Variants in UNC13C observed in about 807,000 individuals in gnomAD.
UNC13C encodes unc-13 homolog C.
In UNC13C, 174 loss-of-function variants were observed where a neutral mutation model predicts 245.4. The observed-to-expected ratio is 0.71, with a 90% CI of 0.63 to 0.80. The LOEUF is 0.80. UNC13C is among the 30% of genes least tolerant of loss of function. UNC13C has a pLI of 0.00. For synonymous variants in UNC13C, 992 were observed against 895.1 expected, an observed-to-expected ratio of 1.11 and a Z score of -1.93; for missense variants, 2,829 against 2,602.9, an observed-to-expected ratio of 1.09 and a Z score of -1.89.
intron 19 of UNC13C, among the ~76,000 whole-genome samples, chr15:54,456,718 A>G (rs1166588941): frequency 6.6e-6 from 1 of 151,868 alleles, no homozygotes; most frequent in Non-Finnish European, 1.5e-5. Flanking sequence ...TAATTTGTGT[A>G]CATTGATTTT....
At chr15:54,388,729 G>A (rs2140910333) in intron 17 of UNC13C, among the ~76,000 whole-genome samples, 2 of 152,004 alleles carry the variant, frequency 1.3e-5, no homozygotes, top group Non-Finnish European at 2.9e-5. Context: ...TTGTTTTTTA[G>A]ACTTTTTCTC....
intron 17 of UNC13C, among the ~76,000 whole-genome samples, chr15:54,380,873 T>G (rs1342383553): frequency 6.6e-6 from 1 of 152,172 alleles, no homozygotes; most frequent in Admixed American, 6.6e-5. Context: ...CCTTATCAAA[T>G]GTATAGATGG....
chr15:54,220,127 C>T (rs2035176212), intron 4 of UNC13C, among the ~76,000 whole-genome samples: 1 of 150,788 alleles, frequency 6.6e-6, no homozygotes, highest in East Asian at 1.9e-4. Context: ...AATCATGCTG[C>T]TATAAAGACA....
the UNC13C span, among the ~76,000 whole-genome samples, chr15:53,937,934 G>A: frequency 6.6e-6 from 1 of 152,154 alleles, no homozygotes; most frequent in Non-Finnish European, 1.5e-5. Context: ...AAAACACAAT[G>A]AAGTACACAG....
intron 2 of UNC13C, among the ~76,000 whole-genome samples, chr15:54,142,115 G>A (rs2032050466): frequency 6.6e-6 from 1 of 152,140 alleles, no homozygotes; most frequent in African/African-American, 2.4e-5. Context: ...GAGTTTCAGA[G>A]CAATAGTACT....
the UNC13C span, among the ~76,000 whole-genome samples, chr15:53,934,918 C>T: frequency 2.6e-5 from 4 of 152,130 alleles, no homozygotes; most frequent in African/African-American, 9.7e-5. Context: ...GGTCCCACAT[C>T]CTAATATCAT....
At chr15:53,852,984 C>A in the UNC13C span, among the ~76,000 whole-genome samples, 3 of 151,810 alleles carry the variant, frequency 2.0e-5, no homozygotes, top group African/African-American at 7.3e-5. Flanking sequence ...TCCTCCCCCA[C>A]CCACTTAAGG....
At chr15:54,029,489 T>G (rs1896265134) in intron 2 of UNC13C, among the ~76,000 whole-genome samples, 3 of 152,242 alleles carry the variant, frequency 2.0e-5, no homozygotes, top group African/African-American at 4.8e-5. Context: ...TATCATTCAA[T>G]TGTTTTTTGA....
At position 54,508,459 on chromosome 15, in the gene UNC13C, A is replaced by C. The variant is rs142628188; in HGVS notation, c.5379+1265A>C. Among the ~76,000 whole-genome samples the C allele has an allele frequency of 4.7e-3, 717 of 152,230 alleles. 11 individuals carry two copies. The highest frequency in any genetic ancestry group is 0.036 in the Admixed American group (547 of 15,292). On this transcript the variant is annotated intron_variant, in intron 23 of 32. Transcript: ENST00000260323. ...ACTGAGATAAAAATCATAACCCAGT[A>C]TTTATTATATTATTCTATGTACTCT... is the stretch of plus-strand genomic sequence containing the variant.
chr15:54,020,962 C>A (rs1895877295), intron 2 of UNC13C, among the ~76,000 whole-genome samples: 1 of 151,880 alleles, frequency 6.6e-6, no homozygotes, highest in Admixed American at 6.6e-5. Flanking sequence ...ATAACAATAA[C>A]CTTTTGTCTA....
chr15:53,966,161 G>T, the UNC13C span, among the ~76,000 whole-genome samples: 1 of 152,234 alleles, frequency 6.6e-6, no homozygotes, highest in East Asian at 1.9e-4. Flanking sequence ...TATTCATGTG[G>T]CATAGTTGAC....
chr15:54,606,724 G>C (rs1473123189), intron 30 of UNC13C, among the ~76,000 whole-genome samples: 4 of 152,212 alleles, frequency 2.6e-5, no homozygotes, highest in African/African-American at 9.7e-5. Context: ...AAGTCATGCT[G>C]AGTTAGGAGC....
At chr15:54,417,034 G>C in intron 19 of UNC13C, 1 of 449,200 alleles carries the variant, frequency 2.2e-6, no homozygotes, top group Non-Finnish European at 4.5e-6. Context: ...ATCTGTAGTA[G>C]CTCCCAGGAA....
At chr15:54,610,270 C>G (rs946794272) in intron 30 of UNC13C, among the ~76,000 whole-genome samples, 1 of 152,064 alleles carries the variant, frequency 6.6e-6, no homozygotes, top group African/African-American at 2.4e-5. Flanking sequence ...GAGTCTTGCT[C>G]TGTCGCCCAG....
At chr15:54,432,823 A>AAAAG (rs2140977395) in intron 19 of UNC13C, among the ~76,000 whole-genome samples, 1 of 152,232 alleles carries the variant, frequency 6.6e-6, no homozygotes, top group South Asian at 2.1e-4. Context: ...TGGTTTTTTG[A>AAAAG]AAAGATTAAC....
At chr15:54,303,472 T>C (rs1405113878) in intron 13 of UNC13C, among the ~76,000 whole-genome samples, 1 of 152,174 alleles carries the variant, frequency 6.6e-6, no homozygotes, top group African/African-American at 2.4e-5. Context: ...CCATCTTTTC[T>C]GTGTTCTAAG....
At position 54,389,468 on chromosome 15, in the gene UNC13C, A is replaced by G. The variant is rs116960710; in HGVS notation, c.4714-3580A>G. Among the ~76,000 whole-genome samples, 1,019 of 152,360 alleles carry G rather than the reference A, an allele frequency of 6.7e-3. 10 individuals are homozygous for G. Among genetic ancestry groups the G allele is most frequent in the Non-Finnish European group, 7.6e-3 (519 of 68,038 alleles). On this transcript the variant is annotated intron_variant, in intron 17 of 32. Coordinates refer to ENST00000260323, the MANE Select transcript of UNC13C (RefSeq NM_001080534.3). ...TATACACTAAAGTTGGAGAACCACAATCTTAGAGAATCACCATGCACATTA... is the reference window on the plus strand; with the variant it reads ...TATACACTAAAGTTGGAGAACCACAGTCTTAGAGAATCACCATGCACATTA...
chr15:53,977,226 A>C (rs575592203), upstream of UNC13C, among the ~76,000 whole-genome samples: 1 of 152,272 alleles, frequency 6.6e-6, no homozygotes, highest in African/African-American at 2.4e-5. Context: ...AGCTGCTAGT[A>C]CCCAACATAT....
At position 54,283,738 on chromosome 15, in the gene UNC13C, G is replaced by A. The variant is rs1396727931; in HGVS notation, c.3819-10157G>A. The stretch of plus-strand genomic sequence containing the variant: ...TGTGTGTGTGTGTGTGTGTGTGTGT[G>A]TATGTAATATTTAATCCCCTTAAAA... On this transcript the variant is annotated intron_variant, in intron 10 of 32. Transcript: ENST00000260323. Among the ~76,000 whole-genome samples the A allele has an allele frequency of 7.7e-5, 11 of 143,158 alleles. No individual in the cohort carries two copies. In the Admixed American group the frequency reaches 7.7e-4, roughly 10 times the overall value. The allele number at this position is 143,158 out of a possible 152,430, so 93.9% of individuals were successfully genotyped here.
Sources: allele counts gnomAD v4.1 joint callset (sites outside exome capture counted in the v4.1 genomes callset), GRCh38; gene constraint gnomAD v4.1.1; transcripts MANE v1.5; gene names NCBI Gene and HGNC (gene_info 2026-07-23, HGNC 2026-07-21).